Variants in KLHL18 observed in about 807,000 individuals in gnomAD.
KLHL18 encodes the protein kelch like family member 18, also known as kelch-like protein 18.
A neutral mutation model predicts 58.5 loss-of-function variants in KLHL18; 38 were observed. The observed-to-expected ratio is 0.65, with a 90% CI of 0.50 to 0.85. KLHL18 has a LOEUF of 0.85. Ranked by LOEUF, KLHL18 falls within the 40% of genes least tolerant of loss-of-function variation. KLHL18 has a pLI of 0.00. For missense variants in KLHL18, 624 were observed against 778.4 expected (o/e 0.80, Z 2.36); for synonymous variants, 303 against 301.9 (o/e 1.00, Z -0.04).
chr3:47,343,264 C>T (rs1256124171), intron 9 of KLHL18, among the ~76,000 whole-genome samples: 2 of 152,244 alleles, frequency 1.3e-5, no homozygotes, highest in African/African-American at 2.4e-5. Flanking sequence ...CTGGAGATTA[C>T]AGGAGACCCA....
In KLHL18 at chr3:47,300,413, A is replaced by G. The variant is rs867070583; in HGVS notation, c.129+17319A>G. Among the ~76,000 whole-genome samples, 815 of 147,226 alleles carry G rather than the reference A, an allele frequency of 5.5e-3. 8 individuals carry two copies. The highest frequency in any genetic ancestry group is 0.018 in the African/African-American group (725 of 40,364). Reference sequence around the variant, plus strand: ...TGTATATGTGTGTGTGTGTGTGTATATATATATATTTAAATTCTCTTTATT... The same window carrying G: ...TGTATATGTGTGTGTGTGTGTGTATGTATATATATTTAAATTCTCTTTATT... On this transcript the variant is annotated intron_variant, in intron 1 of 9. Coordinates refer to ENST00000232766, the MANE Select transcript of KLHL18 (RefSeq NM_025010.5).
intron 2 of KLHL18, among the ~76,000 whole-genome samples, chr3:47,321,555 G>T (rs1703589206): frequency 6.6e-6 from 1 of 151,952 alleles, no homozygotes; most frequent in Admixed American, 6.6e-5. Flanking sequence ...TTGCCATGTT[G>T]GTTAGGCTGG....
Position 47,333,145 on chromosome 3 carries a change from C to G in KLHL18, c.601-12C>G, listed in dbSNP as rs1386437948. ...GGAGGATTTGCTGCCAGAACATCCA[C>G]TCTCATGACAGGTCTTTGAAGCTGC... On this transcript the variant is annotated splice_polypyrimidine_tract_variant and intron_variant, in intron 4 of 9. Transcript: ENST00000232766. 3.1e-6 allele frequency: 5 copies of G among 1,609,672 alleles called. No individual in the cohort carries two copies. The highest frequency in any genetic ancestry group is 4.2e-6 in the Non-Finnish European group (5 of 1,177,732).
rs1704001850 is a variant in KLHL18, at chr3:47,336,946, T to A, written c.1121+189T>A. The A allele has an allele frequency of 5.1e-6, 3 of 585,892 alleles. No individual in the cohort carries two copies. The Admixed American group carries it at 9.1e-5, about 18-fold the overall frequency. The allele number at this position is 585,892 out of a possible 1,614,324, so 36.3% of individuals were successfully genotyped here. ...TCTGCTTAAAAGTAAAATATCCACC[T>A]TGTCCTTTGGGGAACTTGGGGAGAC... is the stretch of plus-strand genomic sequence containing the variant. On this transcript the variant is annotated intron_variant, in intron 7 of 9. Coordinates refer to ENST00000232766, the MANE Select transcript of KLHL18 (RefSeq NM_025010.5).
chr3:47,297,922 G>A (rs1702930894), intron 1 of KLHL18, among the ~76,000 whole-genome samples: 1 of 152,160 alleles, frequency 6.6e-6, no homozygotes, highest in Non-Finnish European at 1.5e-5. Context: ...TGACTGCCTG[G>A]AAGTCAGAGG....
chr3:47,300,309 A>ATATATATTATATG (rs1244173185), intron 1 of KLHL18, among the ~76,000 whole-genome samples: 2 of 144,404 alleles, frequency 1.4e-5, no homozygotes, highest in Admixed American at 1.4e-4. Flanking sequence ...ATATATATAT[A>ATATATATTATATG]TGTGTGTATA....
chr3:47,287,255 G>A (rs180863264), intron 1 of KLHL18: 4 of 152,256 alleles, frequency 2.6e-5, no homozygotes, highest in African/African-American at 4.8e-5. Flanking sequence ...TCCGAAAGGC[G>A]GTATCACACA....
intron 1 of KLHL18, among the ~76,000 whole-genome samples, chr3:47,285,452 C>T (rs949767617): frequency 6.6e-6 from 1 of 152,138 alleles, no homozygotes; most frequent in African/African-American, 2.4e-5. Context: ...CACCGTGGCT[C>T]ACGCCTATTA....
intron 1 of KLHL18, among the ~76,000 whole-genome samples, chr3:47,308,649 G>A (rs1012361247): frequency 2.6e-5 from 4 of 152,084 alleles, no homozygotes; most frequent in South Asian, 2.1e-4. Context: ...CCTTGGCCTC[G>A]CAAAGTGCTG....
At chr3:47,332,945 C>T (rs1194241927) in intron 4 of KLHL18, among the ~76,000 whole-genome samples, 1 of 152,056 alleles carries the variant, frequency 6.6e-6, no homozygotes, top group African/African-American at 2.4e-5. Flanking sequence ...TGATTTTTCA[C>T]TAGGAAATCA....
At chr3:47,305,444 C>T (rs946032318) in intron 1 of KLHL18, among the ~76,000 whole-genome samples, 1 of 149,040 alleles carries the variant, frequency 6.7e-6, no homozygotes, top group Non-Finnish European at 1.5e-5. Flanking sequence ...TTAAGTCTGC[C>T]TTAACCCGGA....
At chr3:47,304,692 TTTTTTTGCAAACTGC>T (rs1331532066) in intron 1 of KLHL18, among the ~76,000 whole-genome samples, 2 of 152,162 alleles carry the variant, frequency 1.3e-5, no homozygotes, top group African/African-American at 2.4e-5. Flanking sequence ...GGGTTATTTG[TTTTTTTGCAAACTGC>T]TTTGGATTTT....
intron 1 of KLHL18, among the ~76,000 whole-genome samples, chr3:47,307,110 C>T (rs539701290): frequency 6.6e-6 from 1 of 152,242 alleles, no homozygotes; most frequent in South Asian, 2.1e-4. Flanking sequence ...CTTGCTCCGT[C>T]ACCCAGGCTG....
At position 47,334,401 on chromosome 3, in the gene KLHL18, C is replaced by T. The variant is rs565922491; in HGVS notation, c.762-282C>T. Among the ~76,000 whole-genome samples the T allele has an allele frequency of 7.0e-3, 1,059 of 152,266 alleles. 12 individuals carry two copies. The highest frequency in any genetic ancestry group is 0.024 in the African/African-American group (1,014 of 41,550). ...AGGGTGCATGCTGCTTGTCGAAACTCCCAGGTCCAGCCATTTTGGCCACTA... is the reference window on the plus strand; with the variant it reads ...AGGGTGCATGCTGCTTGTCGAAACTTCCAGGTCCAGCCATTTTGGCCACTA... On this transcript the variant is annotated intron_variant, in intron 5 of 9. Transcript: ENST00000232766. The surrounding 1 kb of genome is among the most constrained non-coding windows in gnomAD (Gnocchi z 4.7).
chr3:47,335,216 AC>A (rs1278078533), intron 6 of KLHL18, among the ~76,000 whole-genome samples: 4 of 152,230 alleles, frequency 2.6e-5, no homozygotes, highest in Non-Finnish European at 5.9e-5. Context: ...CGGATAGGAT[AC>A]AGTCAGAGAC....
chr3:47,306,827 C>T (rs1245825683), intron 1 of KLHL18, among the ~76,000 whole-genome samples: 1 of 152,148 alleles, frequency 6.6e-6, no homozygotes, highest in Non-Finnish European at 1.5e-5. Flanking sequence ...AATTGGACTT[C>T]TCCTGGATGT....
At chr3:47,283,416 G>A in intron 1 of KLHL18, 2 of 374,772 alleles carry the variant, frequency 5.3e-6, no homozygotes, top group Non-Finnish European at 9.9e-6. Context: ...ATGGAGGCAG[G>A]GGCGGTGGCC....
Position 47,287,069 on chromosome 3 carries a change from C to T in KLHL18, c.129+3975C>T, listed in dbSNP as rs1446838333. The stretch of plus-strand genomic sequence containing the variant: ...CAGTGGTTCCATTTTGGAGGGGATT[C>T]TTCAGTGGCTTGCCATCCGCAATAC... On this transcript the variant is annotated intron_variant, in intron 1 of 9. Coordinates refer to ENST00000232766, the MANE Select transcript of KLHL18 (RefSeq NM_025010.5). 3.3e-5 allele frequency among the ~76,000 whole-genome samples: 5 copies of T among 152,246 alleles called. No homozygotes were observed. In the South Asian group the frequency reaches 1.0e-3, roughly 32 times the overall value.
Position 47,341,683 on chromosome 3 carries a change from G to A in KLHL18, c.1226+1007G>A, listed in dbSNP as rs565730757. ...ATCCTCTCATGGGCTAGAGCACAGC[G>A]TGTGGATGGGAGACGGAGCAGGGTG... On this transcript the variant is annotated intron_variant, in intron 8 of 9. Coordinates refer to ENST00000232766, the MANE Select transcript of KLHL18 (RefSeq NM_025010.5). 7.2e-5 allele frequency among the ~76,000 whole-genome samples: 11 copies of A among 152,288 alleles called. No homozygotes were observed. The South Asian group carries it at 1.0e-3, about 14-fold the overall frequency.
Sources: gnomAD v4.1 joint callset for allele counts (sites outside exome capture counted in the v4.1 genomes callset) on GRCh38, gnomAD v4.1.1 for gene constraint, Gnocchi (gnomAD v3.1) non-coding constraint, MANE v1.5 for transcripts, NCBI Gene and HGNC (gene_info 2026-07-23, HGNC 2026-07-21) for gene names.